The following CLPTM1L variants were observed in gnomAD, a reference collection of about 807,000 sequenced individuals.
CLPTM1L encodes lipid scramblase CLPTM1L.
In CLPTM1L, 38 loss-of-function variants were observed where a neutral mutation model predicts 70.9. That is an observed-to-expected ratio of 0.54 (90% CI 0.41 to 0.70). The LOEUF (loss-of-function observed/expected upper bound fraction) is 0.70, where lower values mean the gene tolerates loss of function less well. CLPTM1L is among the 30% of genes least tolerant of loss of function. The probability of loss-of-function intolerance (pLI) is 0.00; values close to 1 mark genes in which losing one functional copy is unlikely to be tolerated. For missense variants in CLPTM1L, 652 were observed against 705.9 expected, an observed-to-expected ratio of 0.92 and a Z score of 0.87; for synonymous variants, 339 against 299.9, an observed-to-expected ratio of 1.13 and a Z score of -1.35.
Position 1,344,850 on chromosome 5 carries a change from CG to C in CLPTM1L, c.-10del. The C allele has an allele frequency of 6.9e-7, 1 of 1,459,022 alleles. No individual in the cohort carries two copies. 90.4% of individuals were successfully genotyped at this position (1,459,022 alleles called of 1,614,324 possible). On this transcript the variant is annotated 5_prime_UTR_variant, in exon 1 of 17. Transcript: ENST00000320895. ...CTGCGGCCGCTCCACATGGCGGCCC[CG>C]CGCCCGGCGCCCCCGGCCCGCCCGC...
chr5:1,331,949 T>G (rs1753120463), intron 7 of CLPTM1L, 66 bp from the exon 8 acceptor site: 6 of 1,361,854 alleles, frequency 4.4e-6, no homozygotes, highest in Non-Finnish European at 5.2e-6. Context: ...GAGACAGAGA[T>G]AGAGGCTTCG....
intron 4 of CLPTM1L, 35 bp downstream of exon 4, chr5:1,338,825 T>TC (rs1553973392): frequency 1.2e-6 from 2 of 1,610,074 alleles, no homozygotes; most frequent in Non-Finnish European, 1.7e-6. Flanking sequence ...CCCAGCACCC[T>TC]CCCCCCGGCG....
chr5:1,344,734 G>A lies in CLPTM1L; in HGVS notation c.108C>T (p.Cys36=), dbSNP rs1385944714. The A allele has an allele frequency of 1.9e-6, 3 of 1,599,570 alleles. No homozygotes were observed. Among genetic ancestry groups the A allele is most frequent in the Middle Eastern group, 1.7e-4 (1 of 6,056 alleles). ...VMYGIVYTRP[C]SGDANCIQPY... ...GCTGGATGCAGTTGGCGTCGCCGGA[G>A]CACGGGCGGGTGTAGACGATGCCGT... Residue 36 remains cysteine, a synonymous_variant, in exon 1 of 17, where the codon TGC becomes TGT. Coordinates refer to ENST00000320895, the MANE Select transcript of CLPTM1L (RefSeq NM_030782.5).
intron 5 of CLPTM1L, among the ~76,000 whole-genome samples, chr5:1,336,730 T>A (rs1415907229): frequency 6.6e-6 from 1 of 152,148 alleles, no homozygotes; most frequent in Non-Finnish European, 1.5e-5. Context: ...CCAGACCTGC[T>A]CGCCAGCCAC....
At chr5:1,338,208 G>A (rs901339367) in intron 4 of CLPTM1L, 1 of 588,322 alleles carries the variant, frequency 1.7e-6, no homozygotes, top group African/African-American at 1.9e-5. Context: ...ATGGCCACAG[G>A]TGGGAAAATG....
intron 9 of CLPTM1L, among the ~76,000 whole-genome samples, chr5:1,327,163 A>G (rs1335280731): frequency 1.4e-5 from 2 of 146,608 alleles, no homozygotes; most frequent in Admixed American, 6.7e-5. Context: ...CCTCCTCTAC[A>G]GGCACATTCC....
At chr5:1,335,444 C>T (rs898388014) in intron 5 of CLPTM1L, among the ~76,000 whole-genome samples, 3 of 152,242 alleles carry the variant, frequency 2.0e-5, no homozygotes, top group South Asian at 2.1e-4. Flanking sequence ...TTTTGCTGCA[C>T]GTGCCCCTTC....
At chr5:1,341,573 C>T (rs1753936117) in intron 3 of CLPTM1L, 98 bp downstream of exon 3, 1 of 1,061,696 alleles carries the variant, frequency 9.4e-7, no homozygotes, top group East Asian at 2.5e-5. Flanking sequence ...CCAACAAAGT[C>T]ACTGGAGCCC....
chr5:1,343,150 C>T (rs1434132650), intron 2 of CLPTM1L, among the ~76,000 whole-genome samples: 1 of 151,556 alleles, frequency 6.6e-6, no homozygotes, highest in African/African-American at 2.4e-5. Context: ...GAGATCACGC[C>T]ACTGCACTCC....
At chr5:1,343,977 A>C (rs1464100636) in intron 2 of CLPTM1L, among the ~76,000 whole-genome samples, 1 of 152,198 alleles carries the variant, frequency 6.6e-6, no homozygotes, top group East Asian at 1.9e-4. Context: ...TTCCCTCACA[A>C]GTAACTTAAG....
intron 15 of CLPTM1L, 56 bp downstream of exon 15, chr5:1,321,579 C>T: frequency 2.6e-6 from 4 of 1,519,940 alleles, no homozygotes; most frequent in Non-Finnish European, 3.7e-6. Flanking sequence ...CTGGAAGACG[C>T]CCTTGCTCAC....
intron 2 of CLPTM1L, among the ~76,000 whole-genome samples, chr5:1,343,076 A>C (rs2111261801): frequency 6.6e-6 from 1 of 152,304 alleles, no homozygotes; most frequent in East Asian, 1.9e-4. Flanking sequence ...CTGTAGTCTC[A>C]GCTACTTTGG....
intron 3 of CLPTM1L, among the ~76,000 whole-genome samples, chr5:1,340,455 G>A (rs545294863): frequency 6.6e-6 from 1 of 152,292 alleles, no homozygotes; most frequent in South Asian, 2.1e-4. Flanking sequence ...CCTACCTAAA[G>A]ATGCAGTTTA....
intron 5 of CLPTM1L, 24 bp downstream of exon 5, chr5:1,337,880 C>T: frequency 1.9e-6 from 3 of 1,562,454 alleles, no homozygotes; most frequent in South Asian, 1.2e-5. Flanking sequence ...AGCTGCACAA[C>T]CAGCGGGCAG....
In CLPTM1L at chr5:1,334,310, G is replaced by C; in HGVS notation, c.870C>G (p.Thr290=). 3 of 1,613,618 alleles carry C rather than the reference G, an allele frequency of 1.9e-6. No homozygotes were observed. The highest frequency in any genetic ancestry group is 2.2e-5 in the East Asian group (1 of 44,868). The stretch of plus-strand genomic sequence containing the variant: ...TCACATGGAACGCTGCGACAAAGAA[G>C]GTCAGCGCCAGGAAGTATAAGTTGG... The part of the protein sequence containing the change: ...VDTNLYFLAL[T]FFVAAFHLLF... Residue 290 remains threonine (T), a synonymous_variant, in exon 7 of 17, where the codon ACC becomes ACG. Coordinates refer to ENST00000320895, the MANE Select transcript of CLPTM1L (RefSeq NM_030782.5).
At chr5:1,333,315 G>A (rs2447855) in intron 7 of CLPTM1L, among the ~76,000 whole-genome samples, 1 of 128,978 alleles carries the variant, frequency 7.8e-6, no homozygotes, top group African/African-American at 3.2e-5. Context: ...GTATACACAC[G>A]GGATGAGGAT....
chr5:1,330,009 T>A (rs1752978871), intron 9 of CLPTM1L, among the ~76,000 whole-genome samples: 1 of 151,410 alleles, frequency 6.6e-6, no homozygotes, highest in Non-Finnish European at 1.5e-5. Flanking sequence ...CAGGACTATC[T>A]GCTTGGTGGA....
At chr5:1,321,895 G>C in intron 13 of CLPTM1L, 76 bp from the exon 14 acceptor site, 3 of 1,398,140 alleles carry the variant, frequency 2.1e-6, no homozygotes, top group African/African-American at 1.4e-5. Context: ...GCACTCACGA[G>C]GTGTGGAGGG....
At chr5:1,340,420 G>A (rs964550839) in intron 3 of CLPTM1L, among the ~76,000 whole-genome samples, 1 of 152,162 alleles carries the variant, frequency 6.6e-6, no homozygotes, top group Non-Finnish European at 1.5e-5. Flanking sequence ...ATACATCCTA[G>A]GAAGCACTAT....
Sources: gnomAD v4.1 joint callset for allele counts (sites outside exome capture counted in the v4.1 genomes callset) on GRCh38, gnomAD v4.1.1 for gene constraint, MANE v1.5 for transcripts, NCBI Gene and HGNC (gene_info 2026-07-23, HGNC 2026-07-21) for gene names.